Variants in DHTKD1 observed in about 807,000 individuals in gnomAD.
DHTKD1 encodes the protein 2-oxoadipate dehydrogenase complex component E1.
Under a neutral mutation model 101.8 loss-of-function variants are expected in DHTKD1, and 78 were observed. The observed-to-expected ratio is 0.77, with a 90% CI of 0.64 to 0.93. DHTKD1 has a LOEUF of 0.93. Among genes scored for constraint, DHTKD1 ranks in the 40% least tolerant of loss-of-function variants. The pLI, the probability that DHTKD1 is intolerant of heterozygous loss-of-function variation, is 0.00. For missense variants in DHTKD1, 1,223 were observed against 1,161.7 expected (o/e 1.05, Z -0.77); for synonymous variants, 462 against 450.3 (o/e 1.03, Z -0.33).
Position 12,091,506 on chromosome 10 carries a change from G to T in DHTKD1, c.988-7G>T. Reference sequence around the variant, plus strand: ...TCCCCACCCGCTCCCCTTGCCTCATGATTTAGGTCCATGGTGATGCTTCTT... The same window carrying T: ...TCCCCACCCGCTCCCCTTGCCTCATTATTTAGGTCCATGGTGATGCTTCTT... On this transcript the variant is annotated splice_region_variant and splice_polypyrimidine_tract_variant and intron_variant, in intron 5 of 16. Coordinates refer to ENST00000263035, the MANE Select transcript of DHTKD1 (RefSeq NM_018706.7). 1 of 1,555,622 alleles carries T rather than the reference G, an allele frequency of 6.4e-7. No individual in the cohort carries two copies. Among genetic ancestry groups the T allele is most frequent in the South Asian group, 1.2e-5 (1 of 84,686 alleles).
In DHTKD1 at chr10:12,100,274, C is replaced by CTTTTTTTTTTTTTTTTTTTTTTTTTTT; in HGVS notation, c.1756+22_1756+23insTTTTTTTTTTTTTTTTTTTTTTTTTTT. ...TTTACTTGCTCAAGGTAAGAATTTTCTTTTTTTTTTCTGTTTTTTTTTTTT... is the reference window on the plus strand; with the variant it reads ...TTTACTTGCTCAAGGTAAGAATTTTCTTTTTTTTTTTTTTTTTTTTTTTTTTTTTTTTTTTTTCTGTTTTTTTTTTTT... On this transcript the variant is annotated intron_variant, in intron 9 of 16. Transcript: ENST00000263035. The CTTTTTTTTTTTTTTTTTTTTTTTTTTT allele has an allele frequency of 8.5e-6, 3 of 351,658 alleles. No individual in the cohort carries two copies. Among genetic ancestry groups the CTTTTTTTTTTTTTTTTTTTTTTTTTTT allele is most frequent in the East Asian group, 5.8e-5 (1 of 17,114 alleles). 21.8% of individuals were successfully genotyped at this position (351,658 alleles called of 1,614,324 possible).
intron 5 of DHTKD1, among the ~76,000 whole-genome samples, chr10:12,090,668 G>C (rs1832977894): frequency 6.6e-6 from 1 of 151,894 alleles, no homozygotes; most frequent in Non-Finnish European, 1.5e-5. Context: ...ATTTTATTTT[G>C]TGGAGACATG....
At chr10:12,083,058 G>A (rs1832847504) in intron 2 of DHTKD1, among the ~76,000 whole-genome samples, 1 of 151,668 alleles carries the variant, frequency 6.6e-6, no homozygotes. Flanking sequence ...AAAAAAAGGA[G>A]CATCTAATAG....
intron 13 of DHTKD1, among the ~76,000 whole-genome samples, chr10:12,116,889 T>G (rs764235755): frequency 6.6e-6 from 1 of 151,786 alleles, no homozygotes; most frequent in Non-Finnish European, 1.5e-5. Context: ...TTTGTAGAGA[T>G]GGGGTTTCAC....
At chr10:12,111,906 GT>G (rs1277372635) in intron 12 of DHTKD1, among the ~76,000 whole-genome samples, 3 of 152,260 alleles carry the variant, frequency 2.0e-5, no homozygotes, top group South Asian at 2.1e-4. Flanking sequence ...GTGATTTTGT[GT>G]TGTCTCCAGC....
chr10:12,109,006 G>A (rs1482960505), intron 12 of DHTKD1, among the ~76,000 whole-genome samples: 1 of 151,972 alleles, frequency 6.6e-6, no homozygotes, highest in Non-Finnish European at 1.5e-5. Context: ...ACAAAAATTA[G>A]CCATGTGTAG....
Position 12,089,116 on chromosome 10 carries a change from T to G in DHTKD1, c.848T>G (p.Met283Arg). ...FGAHHPLHVT[M>R]LPNPSHLEAV... ...GCGCACCATCCCCTCCATGTGACAA[T>G]GTTGCCCAATCCCTCGCACCTGGAG... is the stretch of plus-strand genomic sequence containing the variant. Residue 283 changes from methionine (M) to arginine (R), a missense_variant, in exon 5 of 17, where the codon ATG becomes AGG. Met to Arg is a moderately conservative substitution (Grantham distance 91). Coordinates refer to ENST00000263035, the MANE Select transcript of DHTKD1 (RefSeq NM_018706.7). 2 of 1,614,156 alleles carry G rather than the reference T, an allele frequency of 1.2e-6. No individual in the cohort carries two copies. The highest frequency in any genetic ancestry group is 1.7e-5 in the Admixed American group (1 of 59,996).
chr10:12,097,124 A>C (rs977275687), intron 7 of DHTKD1, among the ~76,000 whole-genome samples: 1 of 152,088 alleles, frequency 6.6e-6, no homozygotes, highest in Non-Finnish European at 1.5e-5. Flanking sequence ...ATTGAGATGA[A>C]CGTGACATAA....
At chr10:12,119,733 T>C (rs1050828327) in intron 15 of DHTKD1, among the ~76,000 whole-genome samples, 1 of 151,752 alleles carries the variant, frequency 6.6e-6, no homozygotes, top group Non-Finnish European at 1.5e-5. Context: ...GGTTAATACC[T>C]AGGTGATGGA....
chr10:12,120,732 C>T, intron 16 of DHTKD1, 55 bp from the exon 17 acceptor site: 2 of 1,448,034 alleles, frequency 1.4e-6, no homozygotes, highest in South Asian at 2.3e-5. Context: ...TGGAACTAAG[C>T]AGAGCTCTGA....
intron 10 of DHTKD1, among the ~76,000 whole-genome samples, chr10:12,105,854 G>C (rs1413818556): frequency 1.3e-5 from 2 of 152,092 alleles, no homozygotes; most frequent in Non-Finnish European, 2.9e-5. Flanking sequence ...CAGCACTTTG[G>C]GGGGCCAAGG....
chr10:12,113,441 G>T (rs546843113), intron 13 of DHTKD1, among the ~76,000 whole-genome samples: 8 of 152,074 alleles, frequency 5.3e-5, no homozygotes, highest in African/African-American at 1.9e-4. Context: ...CAGGTGATTC[G>T]CCCGCCTCGG....
At chr10:12,072,850 C>A (rs1012309156) in intron 1 of DHTKD1, among the ~76,000 whole-genome samples, 5 of 151,920 alleles carry the variant, frequency 3.3e-5, no homozygotes, top group Non-Finnish European at 5.9e-5. Context: ...GATTCTCCTG[C>A]CTCAGCCTCC....
In DHTKD1 at chr10:12,084,754, A is replaced by G. The variant is rs1204654576; in HGVS notation, c.522+3A>G. The G allele has an allele frequency of 5.6e-6, 9 of 1,613,534 alleles. No homozygotes were observed. The highest frequency in any genetic ancestry group is 4.5e-5 in the East Asian group (2 of 44,874). ...CGAAACTAATGCTGGAATCTCAGGT[A>G]AAAAGGAGCATCTAGGCCGGGCACG... On this transcript the variant is annotated splice_donor_region_variant and intron_variant, in intron 3 of 16. Coordinates refer to ENST00000263035, the MANE Select transcript of DHTKD1 (RefSeq NM_018706.7).
At chr10:12,102,422 CAA>C (rs752816882) in intron 10 of DHTKD1, among the ~76,000 whole-genome samples, 8 of 64,812 alleles carry the variant, frequency 1.2e-4, no homozygotes, top group Admixed American at 3.4e-4. Context: ...GACTCTGTCT[CAA>C]AAAAAAAAAA....
At chr10:12,083,677 T>C (rs1238954542) in intron 2 of DHTKD1, among the ~76,000 whole-genome samples, 2 of 151,884 alleles carry the variant, frequency 1.3e-5, no homozygotes, top group Non-Finnish European at 2.9e-5. Flanking sequence ...GAGGTTGCAG[T>C]GAGCCAAGAT....
intron 1 of DHTKD1, 111 bp from the exon 2 acceptor site, chr10:12,081,361 A>G: frequency 2.4e-6 from 2 of 831,494 alleles, no homozygotes; most frequent in East Asian, 2.5e-5. Flanking sequence ...ATAAATAAAT[A>G]AATAAAAAGT....
At position 12,090,936 on chromosome 10, in the gene DHTKD1, C is replaced by T. The variant is rs560347986; in HGVS notation, c.988-577C>T. Among the ~76,000 whole-genome samples, 5 of 152,270 alleles carry T rather than the reference C, an allele frequency of 3.3e-5. No homozygotes were observed. The South Asian group carries it at 1.0e-3, about 32-fold the overall frequency. On this transcript the variant is annotated intron_variant, in intron 5 of 16. Transcript: ENST00000263035. ...GATTGTGGTGGCGGGCGCCTGTAGT[C>T]CCAGCTACTCGGGAGGCTGAGGCAG...
chr10:12,108,147 A>G (rs1269908803), intron 12 of DHTKD1, 132 bp downstream of exon 12: 1 of 607,696 alleles, frequency 1.6e-6, no homozygotes, highest in Non-Finnish European at 2.9e-6. Context: ...ATTTGATGCA[A>G]TGTCAATTTT....
Sources: gnomAD v4.1 joint callset for allele counts (sites outside exome capture counted in the v4.1 genomes callset) on GRCh38, gnomAD v4.1.1 for gene constraint, MANE v1.5 for transcripts, NCBI Gene and HGNC (gene_info 2026-07-23, HGNC 2026-07-21) for gene names.